SH3PXD2B: variants seen among roughly 807,000 people sequenced by gnomAD.
The protein encoded by SH3PXD2B is SH3 and PX domain-containing protein 2B.
A neutral mutation model predicts 73.1 loss-of-function variants in SH3PXD2B; 37 were observed. The ratio of observed to expected loss-of-function variants is 0.51; its 90% confidence interval spans 0.39 to 0.67. The LOEUF is 0.67. SH3PXD2B is among the 30% of genes least tolerant of loss of function. SH3PXD2B has a pLI of 0.00. For synonymous variants in SH3PXD2B, 457 were observed against 480.5 expected (o/e 0.95, Z 0.64); for missense variants, 1,053 against 1,197.8 (o/e 0.88, Z 1.78).
chr5:172,369,717 G>A (rs533141149), intron 6 of SH3PXD2B, among the ~76,000 whole-genome samples: 26 of 152,186 alleles, frequency 1.7e-4, no homozygotes, highest in African/African-American at 5.8e-4. Context: ...GCAGTGAGCC[G>A]AGATCGCACC....
chr5:172,350,404 C>T lies in SH3PXD2B; in HGVS notation c.971G>A (p.Arg324Gln), dbSNP rs932019598. 1.4e-5 allele frequency: 23 copies of T among 1,613,822 alleles called. No individual in the cohort carries two copies. The highest frequency in any genetic ancestry group is 8.8e-5 in the South Asian group (8 of 91,078). ...GTCGGGCACCGGGCGGCCTTCAAACCGCCCGTCCCTCTGGCTGCTGAGCAG... is the reference window on the plus strand; with the variant it reads ...GTCGGGCACCGGGCGGCCTTCAAACTGCCCGTCCCTCTGGCTGCTGAGCAG... ...KELLSSQRDG[R>Q]FEGRPVPDGD... Residue 324 changes from arginine (R) to glutamine (Q), a missense_variant, in exon 10 of 13, where the codon CGG becomes CAG. By Grantham distance (43) the Arg-to-Gln change is conservative. This residue lies in a region of SH3PXD2B where 466 missense variants were observed against 607.1 expected (regional missense o/e 0.77). Transcript: ENST00000311601.
At position 172,362,852 on chromosome 5, in the gene SH3PXD2B, C is replaced by T. The variant is rs1449322231; in HGVS notation, c.445G>A (p.Val149Met). 2 of 1,614,190 alleles carry T rather than the reference C, an allele frequency of 1.2e-6. No homozygotes were observed. Among genetic ancestry groups the T allele is most frequent in the Non-Finnish European group, 1.7e-6 (2 of 1,180,034 alleles). Residue 149 changes from valine to methionine, a missense_variant, in exon 7 of 13, where the codon GTG (valine) becomes ATG (methionine). By Grantham distance (21) the Val-to-Met change is conservative (BLOSUM62 1). Transcript: ENST00000311601. ...KKKSGGDQTS[V>M]DPMVLEQYVV... ...TACTGCTCCAGGACCATGGGGTCCACTGAGGTTTGGTCACCCCCTGTGGAT... is the reference window on the plus strand; with the variant it reads ...TACTGCTCCAGGACCATGGGGTCCATTGAGGTTTGGTCACCCCCTGTGGAT...
Position 172,346,017 on chromosome 5 carries a change from TG to T in SH3PXD2B, c.1188+118del, listed in dbSNP as rs1756989320. On this transcript the variant is annotated intron_variant, in intron 12 of 12. Coordinates refer to ENST00000311601, the MANE Select transcript of SH3PXD2B (RefSeq NM_001017995.3). ...CTGTATGGTATGTGAACCATAAAGC[TG>T]TTAATCTCCGCCCCACCTCCACCCA... 3 of 1,479,968 alleles carry T rather than the reference TG, an allele frequency of 2.0e-6. No homozygotes were observed. In the East Asian group the frequency reaches 6.9e-5, roughly 34 times the overall value. The allele number at this position is 1,479,968 out of a possible 1,614,324, so 91.7% of individuals were successfully genotyped here.
At chr5:172,346,049 T>TGAAGTAGGAGGTGACAGGGGA in intron 12 of SH3PXD2B, 87 bp downstream of exon 12, 4 of 1,585,702 alleles carry the variant, frequency 2.5e-6, no homozygotes, top group East Asian at 2.2e-5. Context: ...ACCCACCCAG[T>TGAAGTAGGAGGTGACAGGGGA]GAAGTAGGAG....
At chr5:172,344,368 AC>A (rs1203634039) in intron 12 of SH3PXD2B, among the ~76,000 whole-genome samples, 1 of 152,112 alleles carries the variant, frequency 6.6e-6, no homozygotes, top group Admixed American at 6.6e-5. Context: ...TGGGCAGATC[AC>A]CTGAGGTCAG....
At chr5:172,392,915 C>G (rs1758221727) in intron 4 of SH3PXD2B, among the ~76,000 whole-genome samples, 2 of 152,240 alleles carry the variant, frequency 1.3e-5, no homozygotes, top group South Asian at 4.1e-4. Flanking sequence ...CAATGTTGTT[C>G]CGCTGATCTA....
rs777304919 is a variant in SH3PXD2B at position 172,338,719 on chromosome 5, G to A, written c.2386C>T (p.Arg796Cys). The A allele has an allele frequency of 6.2e-6, 10 of 1,614,096 alleles. No individual in the cohort carries two copies. The highest frequency in any genetic ancestry group is 1.6e-4 in the Middle Eastern group (1 of 6,084). Residue 796 changes from arginine (R) to cysteine (C), a missense_variant, in exon 13 of 13, where the codon CGT (arginine) becomes TGT (cysteine). Physicochemically the swap from Arg to Cys is radical, Grantham distance 180. Coordinates refer to ENST00000311601, the MANE Select transcript of SH3PXD2B (RefSeq NM_001017995.3). This position sits in a 1 kb window ranked among gnomAD's most constrained non-coding sequence, Gnocchi z 5.1. ...HESRAAPTPG[R>C]ALLVPPKAKP... ...GCTTTTGGAGGGACGAGGAGAGCAC[G>A]GCCTGGGGTGGGAGCTGCCCTGCTT...
At chr5:172,381,968 G>C (rs1188246349) in intron 5 of SH3PXD2B, 68 bp downstream of exon 5, 2 of 1,271,074 alleles carry the variant, frequency 1.6e-6, no homozygotes, top group East Asian at 4.8e-5. Flanking sequence ...GCTTTACTTG[G>C]GGGTGGCTGG....
chr5:172,337,618 T>A lies in SH3PXD2B; in HGVS notation c.*751A>T. ...ATGCTCCAAGTTGGGGTGGGAACTC[T>A]CATTGAAAAGCCCTGGAGGGACCGG... is the stretch of plus-strand genomic sequence containing the variant. On this transcript the variant is annotated 3_prime_UTR_variant, in exon 13 of 13. Transcript: ENST00000311601. The A allele has an allele frequency of 1.0e-6, 1 of 985,520 alleles. No homozygotes were observed. The highest frequency in any genetic ancestry group is 1.2e-6 in the Non-Finnish European group (1 of 830,004). 61.0% of individuals were successfully genotyped at this position (985,520 alleles called of 1,614,324 possible).
chr5:172,398,720 T>A (rs1417047609), intron 3 of SH3PXD2B, among the ~76,000 whole-genome samples: 1 of 152,202 alleles, frequency 6.6e-6, no homozygotes, highest in African/African-American at 2.4e-5. Context: ...TTGGGTAACA[T>A]TAATTATTTA....
chr5:172,369,317 A>G (rs1227317912), intron 6 of SH3PXD2B, among the ~76,000 whole-genome samples: 1 of 151,866 alleles, frequency 6.6e-6, no homozygotes, highest in Non-Finnish European at 1.5e-5. Flanking sequence ...AATTATTATT[A>G]TTATTGGTGG....
At chr5:172,350,229 CCT>C (rs1157898905) in intron 10 of SH3PXD2B, 132 bp downstream of exon 10, 1 of 815,678 alleles carries the variant, frequency 1.2e-6, no homozygotes, top group Non-Finnish European at 1.9e-6. Context: ...GGTTTCTGGG[CCT>C]CTGTTTTCTT....
In SH3PXD2B at chr5:172,437,551, A is replaced by T. The variant is rs144358020; in HGVS notation, c.76-15055T>A. Among the ~76,000 whole-genome samples the T allele has an allele frequency of 6.3e-3, 962 of 152,278 alleles. 3 individuals are homozygous for T. The highest frequency in any genetic ancestry group is 0.026 in the South Asian group (127 of 4,824). On this transcript the variant is annotated intron_variant, in intron 1 of 12. Transcript: ENST00000311601. ...AGCCTCTTCACTTTCTTCTCCCAGC[A>T]TCCCAAGGCCTTGGGTCTCCTGGCC...
intron 4 of SH3PXD2B, among the ~76,000 whole-genome samples, chr5:172,388,131 G>T (rs1433017): frequency 1 from 152,335 of 152,366 alleles, 76,152 homozygotes; most frequent in East Asian, 1. Context: ...CTGTCTATCC[G>T]TGTGCTAATA....
At chr5:172,397,626 T>C (rs976252688) in intron 3 of SH3PXD2B, among the ~76,000 whole-genome samples, 4 of 152,134 alleles carry the variant, frequency 2.6e-5, no homozygotes, top group Admixed American at 6.5e-5. Flanking sequence ...CTTAGGGAAA[T>C]AGAAAAGAAC....
In SH3PXD2B at chr5:172,380,838, G is replaced by A. The variant is rs370655212; in HGVS notation, c.401+1198C>T. Among the ~76,000 whole-genome samples, 303 of 152,254 alleles carry A rather than the reference G, an allele frequency of 2.0e-3. 1 individual carries two copies. Among genetic ancestry groups the A allele is most frequent in the African/African-American group, 7.1e-3 (293 of 41,546 alleles). On this transcript the variant is annotated intron_variant, in intron 5 of 12. Transcript: ENST00000311601. Reference sequence around the variant, plus strand: ...AGCTGTGTTTACTCGCTCCGTGCTCGTCACAGGAAATGGTGCATATTGGGA... The same window carrying A: ...AGCTGTGTTTACTCGCTCCGTGCTCATCACAGGAAATGGTGCATATTGGGA...
downstream of SH3PXD2B, among the ~76,000 whole-genome samples, chr5:172,332,989 G>A (rs573266364): frequency 1.9e-4 from 29 of 149,948 alleles, no homozygotes; most frequent in South Asian, 6.4e-4. Flanking sequence ...AGGCTGGAGC[G>A]CAGTGACGTG....
At position 172,336,686 on chromosome 5, in the gene SH3PXD2B, A is replaced by G. The variant is rs573097315; in HGVS notation, c.*1683T>C. ...ACTGTGAACTGGAGATCTCTGGGGCAGGGCAGGGTGGGGAGGGGCGGGGCA... is the reference window on the plus strand; with the variant it reads ...ACTGTGAACTGGAGATCTCTGGGGCGGGGCAGGGTGGGGAGGGGCGGGGCA... On this transcript the variant is annotated 3_prime_UTR_variant, in exon 13 of 13. Coordinates refer to ENST00000311601, the MANE Select transcript of SH3PXD2B (RefSeq NM_001017995.3). The G allele has an allele frequency of 2.4e-3, 409 of 167,978 alleles. 9 individuals are homozygous for G. In the Admixed American group the frequency reaches 0.12, roughly 48 times the overall value. The allele number at this position is 167,978 out of a possible 1,614,324, so 10.4% of individuals were successfully genotyped here.
downstream of SH3PXD2B, among the ~76,000 whole-genome samples, chr5:172,329,345 A>G (rs1756510289): frequency 6.6e-6 from 1 of 150,982 alleles, no homozygotes; most frequent in African/African-American, 2.4e-5. Context: ...CAGCCTCCCA[A>G]AGTACTGGGA....
Sources: allele counts gnomAD v4.1 joint callset (sites outside exome capture counted in the v4.1 genomes callset), GRCh38; gene constraint gnomAD v4.1.1; regional missense constraint gnomAD v4.1.1; non-coding constraint Gnocchi (gnomAD v3.1); transcripts MANE v1.5; gene names NCBI Gene and HGNC (gene_info 2026-07-23, HGNC 2026-07-21).